Variants in SYBU observed in about 807,000 individuals in gnomAD.
SYBU encodes the protein syntabulin.
In SYBU, 21 loss-of-function variants were observed where a neutral mutation model predicts 35.9. That is an observed-to-expected ratio of 0.58 (90% confidence interval 0.41 to 0.84). The LOEUF is 0.84. Among genes scored for constraint, SYBU ranks in the 40% least tolerant of loss-of-function variants. The pLI is 0.00. For synonymous variants in SYBU, 319 were observed against 324.3 expected (o/e 0.98, Z 0.18); for missense variants, 768 against 848.2 (o/e 0.91, Z 1.17).
intron 2 of SYBU, among the ~76,000 whole-genome samples, chr8:109,635,278 C>A (rs916336036): frequency 6.6e-6 from 1 of 152,184 alleles, no homozygotes; most frequent in Admixed American, 6.5e-5. Flanking sequence ...GATACCTAAA[C>A]CTCTTGGCTA....
At chr8:109,677,115 G>A (rs1047855422) in intron 1 of SYBU, among the ~76,000 whole-genome samples, 3 of 151,960 alleles carry the variant, frequency 2.0e-5, no homozygotes, top group East Asian at 1.9e-4. Flanking sequence ...GGATAGAGGC[G>A]AGTGTTATGC....
At chr8:109,639,136 A>C (rs1002554990) in intron 2 of SYBU, among the ~76,000 whole-genome samples, 2 of 152,200 alleles carry the variant, frequency 1.3e-5, no homozygotes, top group Non-Finnish European at 2.9e-5. Flanking sequence ...CAGGCCGGTA[A>C]AATTATAAGA....
intron 1 of SYBU, among the ~76,000 whole-genome samples, chr8:109,655,788 A>G (rs1313052078): frequency 6.6e-6 from 1 of 152,176 alleles, no homozygotes; most frequent in Non-Finnish European, 1.5e-5. Context: ...TTCTTGTTAT[A>G]ACAAACTCAG....
intron 3 of SYBU, among the ~76,000 whole-genome samples, chr8:109,599,116 T>C (rs1370959284): frequency 6.6e-6 from 1 of 152,148 alleles, no homozygotes; most frequent in Non-Finnish European, 1.5e-5. Flanking sequence ...CAATCTGCAA[T>C]AAAAAGTCTT....
At chr8:109,618,456 C>T (rs1356061384) in intron 3 of SYBU, among the ~76,000 whole-genome samples, 1 of 152,202 alleles carries the variant, frequency 6.6e-6, no homozygotes, top group Non-Finnish European at 1.5e-5. Context: ...CAGAGATTTG[C>T]ATTGAGATAA....
At chr8:109,626,358 A>G (rs1365219859) in intron 2 of SYBU, among the ~76,000 whole-genome samples, 2 of 152,160 alleles carry the variant, frequency 1.3e-5, no homozygotes, top group Non-Finnish European at 1.5e-5. Flanking sequence ...TTATAGTTTC[A>G]CTTTCATTTA....
At chr8:109,642,972 C>T (rs372685684) in intron 1 of SYBU, 40 bp from the exon 2 acceptor site, 1 of 1,451,576 alleles carries the variant, frequency 6.9e-7, no homozygotes, top group South Asian at 1.5e-5. Context: ...AAAGGAAACG[C>T]GTTTCCCTCT....
At chr8:109,653,995 T>C (rs1586959637) in intron 1 of SYBU, among the ~76,000 whole-genome samples, 2 of 152,290 alleles carry the variant, frequency 1.3e-5, no homozygotes, top group East Asian at 1.9e-4. Context: ...TTAATAACCA[T>C]AAAGAACATG....
chr8:109,644,292 G>A (rs1411857264), intron 1 of SYBU: 3 of 527,076 alleles, frequency 5.7e-6, no homozygotes, highest in Admixed American at 2.3e-5. Context: ...CTGACACGCG[G>A]GAGTCCTCTT....
chr8:109,657,400 G>A (rs867915816), intron 1 of SYBU, among the ~76,000 whole-genome samples: 34 of 152,196 alleles, frequency 2.2e-4, no homozygotes, highest in Middle Eastern at 3.4e-3. Flanking sequence ...TAACACCAAG[G>A]TTTTCTGGTA....
intron 1 of SYBU, among the ~76,000 whole-genome samples, chr8:109,673,650 C>A (rs1371723405): frequency 6.6e-6 from 1 of 152,146 alleles, no homozygotes; most frequent in Non-Finnish European, 1.5e-5. Context: ...AACTCCTCGC[C>A]AGCAAGGGAA....
At chr8:109,600,134 TC>T (rs1415242979) in intron 3 of SYBU, among the ~76,000 whole-genome samples, 9 of 152,214 alleles carry the variant, frequency 5.9e-5, no homozygotes, top group African/African-American at 2.2e-4. Flanking sequence ...AGTATGCTTG[TC>T]AGCTCCTTGA....
upstream of SYBU, chr8:109,644,926 C>T (rs998134919): frequency 3.7e-6 from 2 of 542,892 alleles, no homozygotes; most frequent in African/African-American, 3.9e-5. Context: ...CACCTGCGGC[C>T]TTCGGGGCAA....
At chr8:109,590,413 T>G (rs890160828) in intron 3 of SYBU, among the ~76,000 whole-genome samples, 1 of 151,818 alleles carries the variant, frequency 6.6e-6, no homozygotes, top group African/African-American at 2.4e-5. Flanking sequence ...TACAGGTGTT[T>G]TTTTTTTTGC....
intron 1 of SYBU, among the ~76,000 whole-genome samples, chr8:109,662,677 A>G (rs1295753226): frequency 6.6e-6 from 1 of 152,198 alleles, no homozygotes; most frequent in Non-Finnish European, 1.5e-5. Flanking sequence ...TGTAGTATCT[A>G]TCAGGACATA....
intron 1 of SYBU, among the ~76,000 whole-genome samples, chr8:109,656,144 G>T (rs1816346110): frequency 6.6e-6 from 1 of 152,030 alleles, no homozygotes. Flanking sequence ...ACACCATCTA[G>T]GTAGACCTAT....
At chr8:109,613,179 G>A (rs1563722786) in intron 3 of SYBU, among the ~76,000 whole-genome samples, 1 of 152,022 alleles carries the variant, frequency 6.6e-6, no homozygotes, top group African/African-American at 2.4e-5. Flanking sequence ...TATGTGACAT[G>A]GGATAACATA....
intron 1 of SYBU, among the ~76,000 whole-genome samples, chr8:109,656,586 C>T (rs1816365079): frequency 1.3e-5 from 2 of 152,182 alleles, no homozygotes; most frequent in Non-Finnish European, 2.9e-5. Context: ...TCCTAATGCT[C>T]ACTTAAGAAT....
rs549059938 is a variant in SYBU at position 109,675,472 on chromosome 8, C to A, written c.-129+5239G>T. On this transcript the variant is annotated intron_variant, in intron 1 of 5. Coordinates refer to the SYBU transcript ENST00000408889. ...AAAGGGGAGATCACCACTGATCCCACAGAATTACAGACTACCATCAGAGAA... is the reference window on the plus strand; with the variant it reads ...AAAGGGGAGATCACCACTGATCCCAAAGAATTACAGACTACCATCAGAGAA... Among the ~76,000 whole-genome samples the A allele has an allele frequency of 2.6e-5, 4 of 152,270 alleles. No homozygotes were observed. The East Asian group carries it at 7.7e-4, about 29-fold the overall frequency.
Sources: gnomAD v4.1 joint callset for allele counts (sites outside exome capture counted in the v4.1 genomes callset) on GRCh38, gnomAD v4.1.1 for gene constraint, MANE v1.5 for transcripts, NCBI Gene and HGNC (gene_info 2026-07-23, HGNC 2026-07-21) for gene names.